The following SCRG1 variants were observed in gnomAD, a reference collection of about 807,000 sequenced individuals.
The protein encoded by SCRG1 is scrapie-responsive protein 1.
Under a neutral mutation model 7.7 loss-of-function variants are expected in SCRG1, and 3 were observed. That is an observed-to-expected ratio of 0.39 (90% CI 0.18 to 1.01). The LOEUF is 1.01. Ranked by LOEUF, SCRG1 falls within the 50% of genes least tolerant of loss-of-function variation. SCRG1 has a pLI of 0.36. For synonymous variants in SCRG1, 46 were observed against 41.2 expected, an observed-to-expected ratio of 1.12 and a Z score of -0.44; for missense variants, 110 against 117.2, an observed-to-expected ratio of 0.94 and a Z score of 0.28.
At chr4:173,472,127 T>C in the SCRG1 span, among the ~76,000 whole-genome samples, 2 of 152,232 alleles carry the variant, frequency 1.3e-5, no homozygotes, top group African/African-American at 4.8e-5. Context: ...GCAGTGAATA[T>C]ATCATGGAAG....
chr4:173,403,599 G>T (rs192357795), upstream of SCRG1, among the ~76,000 whole-genome samples: 1 of 152,258 alleles, frequency 6.6e-6, no homozygotes, highest in African/African-American at 2.4e-5. Flanking sequence ...ATGAACATCA[G>T]GAGAGACCTG....
chr4:173,482,264 G>A, the SCRG1 span, among the ~76,000 whole-genome samples: 7 of 152,064 alleles, frequency 4.6e-5, no homozygotes, highest in Non-Finnish European at 8.8e-5. Context: ...GTCTTCTTGA[G>A]TGTTAATATC....
upstream of SCRG1, chr4:173,403,382 G>A (rs1041812594): frequency 4.6e-5 from 7 of 152,190 alleles, no homozygotes; most frequent in Non-Finnish European, 1.5e-5. Flanking sequence ...GGATAGCCAG[G>A]AGAGTCTTCT....
chr4:173,413,611 G>A, the SCRG1 span, among the ~76,000 whole-genome samples: 24 of 152,222 alleles, frequency 1.6e-4, no homozygotes, highest in African/African-American at 5.3e-4. Context: ...ATTGGGGATA[G>A]TTAAGATGAG....
chr4:173,449,430 T>C, the SCRG1 span, among the ~76,000 whole-genome samples: 3 of 132,832 alleles, frequency 2.3e-5, no homozygotes, highest in Non-Finnish European at 4.7e-5. Context: ...GCATACATGA[T>C]AAATCTTTTT....
At chr4:173,477,717 TCCTTCCTTCCTTCCTTCCTTC>T in the SCRG1 span, among the ~76,000 whole-genome samples, 3 of 17,876 alleles carry the variant, frequency 1.7e-4, no homozygotes, top group Non-Finnish European at 2.5e-4. Flanking sequence ...CTTCCTTCCT[TCCTTCCTTCCTTCCTTCCTTC>T]CTTCCTTCCT....
the SCRG1 span, among the ~76,000 whole-genome samples, chr4:173,474,388 CTG>C: frequency 6.6e-6 from 1 of 152,090 alleles, no homozygotes; most frequent in Non-Finnish European, 1.5e-5. Context: ...TTGAACCACT[CTG>C]TAAATCCAGA....
chr4:173,463,109 T>C, the SCRG1 span, among the ~76,000 whole-genome samples: 5 of 152,154 alleles, frequency 3.3e-5, no homozygotes, highest in Admixed American at 2.0e-4. Flanking sequence ...TTATCAATAA[T>C]GACATTGAAT....
chr4:173,439,743 A>T, the SCRG1 span, among the ~76,000 whole-genome samples: 1 of 152,138 alleles, frequency 6.6e-6, no homozygotes, highest in Non-Finnish European at 1.5e-5. Flanking sequence ...TGGATAGATA[A>T]TTCTTGTCCC....
chr4:173,433,837 T>C, the SCRG1 span, among the ~76,000 whole-genome samples: 1 of 152,166 alleles, frequency 6.6e-6, no homozygotes, highest in African/African-American at 2.4e-5. Context: ...TCCTGATGTA[T>C]CAGGAATGAC....
chr4:173,448,565 A>C, the SCRG1 span, among the ~76,000 whole-genome samples: 1 of 152,250 alleles, frequency 6.6e-6, no homozygotes, highest in Non-Finnish European at 1.5e-5. Context: ...ATACCGGAAA[A>C]GTTGTGTCCC....
the SCRG1 span, among the ~76,000 whole-genome samples, chr4:173,445,669 A>AT: frequency 0.07 from 9,848 of 140,710 alleles, 394 homozygotes; most frequent in Non-Finnish European, 0.084. Flanking sequence ...CTTTAAGGAT[A>AT]TTTTTTTTTT....
rs1042229416 is a variant in SCRG1 at position 173,384,825 on chromosome 4, A to G, written c.*3516T>C. On this transcript the variant is annotated 3_prime_UTR_variant, in exon 3 of 3. Transcript: ENST00000296506. ...ACAATGATATAGAAAGTCAAAGATA[A>G]CAATACAGAAATACTTGTTCAGTAA... 6.6e-6 allele frequency: 1 copy of G among 152,242 alleles called. No homozygotes were observed. Among genetic ancestry groups the G allele is most frequent in the Non-Finnish European group, 1.5e-5 (1 of 68,028 alleles). 9.4% of individuals were successfully genotyped at this position (152,242 alleles called of 1,614,324 possible). A position where few individuals can be genotyped will look rare whatever the true frequency, so the allele number is the denominator to read the frequency against.
the SCRG1 span, among the ~76,000 whole-genome samples, chr4:173,490,992 T>G: frequency 2.6e-5 from 4 of 152,180 alleles, no homozygotes; most frequent in African/African-American, 9.7e-5. Flanking sequence ...TGTCCCATTA[T>G]GCCAGGGACT....
At chr4:173,436,858 C>T in the SCRG1 span, among the ~76,000 whole-genome samples, 1,375 of 152,218 alleles carry the variant, frequency 9.0e-3, 12 homozygotes, top group African/African-American at 0.029. Flanking sequence ...CTAATTACTC[C>T]TCTCCAGTTT....
chr4:173,400,591 C>T (rs1207905090), upstream of SCRG1, among the ~76,000 whole-genome samples: 1 of 152,184 alleles, frequency 6.6e-6, no homozygotes, highest in Non-Finnish European at 1.5e-5. Context: ...TGCAGGTATT[C>T]AACTAAATGA....
At chr4:173,389,498 T>C (rs900172985) in intron 2 of SCRG1, 1 of 171,988 alleles carries the variant, frequency 5.8e-6, no homozygotes, top group East Asian at 1.7e-4. Flanking sequence ...ATCGTGCCAC[T>C]GCACTCCAGC....
the SCRG1 span, among the ~76,000 whole-genome samples, chr4:173,496,660 C>T: frequency 6.6e-6 from 1 of 152,208 alleles, no homozygotes; most frequent in African/African-American, 2.4e-5. Context: ...GCATCAAGTA[C>T]TTACTGTGTA....
At chr4:173,399,510 G>GAA (rs1462190603), upstream of SCRG1, 3 of 52,486 alleles carry the variant, frequency 5.7e-5, no homozygotes, top group Non-Finnish European at 1.4e-4. Context: ...CTGTGTGTGA[G>GAA]AGAGAGAGAG....
Sources: gnomAD v4.1 joint callset for allele counts (sites outside exome capture counted in the v4.1 genomes callset) on GRCh38, gnomAD v4.1.1 for gene constraint, MANE v1.5 for transcripts, NCBI Gene and HGNC (gene_info 2026-07-23, HGNC 2026-07-21) for gene names.